The following LRP2 variants were observed in gnomAD, a reference collection of about 807,000 sequenced individuals.
The protein encoded by LRP2 is LDL receptor related protein 2.
LRP2 carries 172 observed loss-of-function variants against 531.0 expected under a neutral mutation model. The observed-to-expected ratio is 0.32, with a 90% CI of 0.29 to 0.37. The LOEUF (loss-of-function observed/expected upper bound fraction) is 0.37. Among genes scored for constraint, LRP2 ranks in the 10% least tolerant of loss-of-function variants. LRP2 has a pLI of 1.00. For synonymous variants in LRP2, 1,992 were observed against 2,027.6 expected (o/e 0.98, Z 0.47); for missense variants, 5,167 against 5,868.3 (o/e 0.88, Z 3.90).
Position 169,257,836 on chromosome 2 carries a change from A to AAAAC in LRP2, c.2514-588_2514-587insGTTT, listed in dbSNP as rs1553504243. Among the ~76,000 whole-genome samples, 1,258 of 143,138 alleles carry AAAAC rather than the reference A, an allele frequency of 8.8e-3. 17 individuals are homozygous for AAAAC. Among genetic ancestry groups the AAAAC allele is most frequent in the African/African-American group, 0.03 (1,163 of 38,512 alleles). 93.9% of individuals were successfully genotyped at this position (143,138 alleles called of 152,430 possible). A position where few individuals can be genotyped will look rare whatever the true frequency, so the allele number is the denominator to read the frequency against. ...AAAAAAAACAAAAACAAAAAAAAAAAACACAAAAAAAACAAAAGAAAATAA... is the reference window on the plus strand; with the variant it reads ...AAAAAAAACAAAAACAAAAAAAAAAAAAACACACAAAAAAAACAAAAGAAAATAA... On this transcript the variant is annotated intron_variant, in intron 17 of 78. Coordinates refer to ENST00000649046, the MANE Select transcript of LRP2 (RefSeq NM_004525.3).
At chr2:169,174,819 T>C (rs1423373205) in intron 55 of LRP2, among the ~76,000 whole-genome samples, 1 of 151,084 alleles carries the variant, frequency 6.6e-6, no homozygotes, top group South Asian at 2.1e-4. Context: ...CTTTTTTTTT[T>C]TTTTTTGCCT....
chr2:169,257,041 C>T (rs1358575405), intron 18 of LRP2, 83 bp downstream of exon 18: 2 of 1,533,958 alleles, frequency 1.3e-6, no homozygotes, highest in Non-Finnish European at 1.8e-6. Context: ...AGTTTCCTTA[C>T]ACCATCATAT....
chr2:169,321,715 C>T (rs561187673), intron 1 of LRP2, among the ~76,000 whole-genome samples: 1 of 152,186 alleles, frequency 6.6e-6, no homozygotes, highest in East Asian at 1.9e-4. Flanking sequence ...TCTCTGCAAA[C>T]AATTTTTTTT....
rs1688399916 is a variant in LRP2, at chr2:169,206,664, C to T, written c.7056G>A (p.Gly2352=). Residue 2352 remains glycine (G), a synonymous_variant, in exon 39 of 79, where the codon GGG becomes GGA. Transcript: ENST00000649046. ...NNNPCLENNG[G]CSHLCFALPG... The stretch of plus-strand genomic sequence containing the variant: ...GCAGAGCAAAGCAGAGATGAGAGCA[C>T]CCACCATTGTTTTCCAAGCAAGGGT... The T allele has an allele frequency of 6.2e-7, 1 of 1,614,100 alleles. No individual in the cohort carries two copies. The highest frequency in any genetic ancestry group is 8.5e-7 in the Non-Finnish European group (1 of 1,180,012).
rs890216396 is a variant in LRP2 at position 169,271,026 on chromosome 2, A to G, written c.2198T>C (p.Met733Thr). Residue 733 changes from methionine to threonine, a missense_variant, in exon 16 of 79, where the codon ATG becomes ACG. Physicochemically the swap from Met to Thr is moderately conservative, Grantham distance 81. This residue lies in a region of LRP2 where 2,811 missense variants were observed against 3,058.0 expected (regional missense o/e 0.92). Coordinates refer to ENST00000649046, the MANE Select transcript of LRP2 (RefSeq NM_004525.3). ...PFTLSTQEDV[M>T]VPVSGNPSFF... Reference sequence around the variant, plus strand: ...AGAAGGATTCCCCGAAACTGGAACCATGACATCTTCCTGGGTAGACAAGGT... The same window carrying G: ...AGAAGGATTCCCCGAAACTGGAACCGTGACATCTTCCTGGGTAGACAAGGT... 6.8e-6 allele frequency: 11 copies of G among 1,613,216 alleles called. No individual in the cohort carries two copies. The highest frequency in any genetic ancestry group is 1.6e-4 in the Middle Eastern group (1 of 6,074).
intron 49 of LRP2, among the ~76,000 whole-genome samples, chr2:169,187,112 G>A (rs1559003680): frequency 6.6e-6 from 1 of 151,586 alleles, no homozygotes; most frequent in Admixed American, 6.6e-5. Context: ...GTACATGTGC[G>A]GGATGTGCAA....
At chr2:169,327,263 TGGG>T (rs71003077) in intron 1 of LRP2, among the ~76,000 whole-genome samples, 3 of 50,140 alleles carry the variant, frequency 6.0e-5, no homozygotes, top group South Asian at 1.2e-3. Context: ...GGGAGGGAGG[TGGG>T]GGGGTCAGCC....
intron 30 of LRP2, among the ~76,000 whole-genome samples, chr2:169,232,507 G>A (rs1226109550): frequency 1.3e-5 from 2 of 152,088 alleles, no homozygotes; most frequent in African/African-American, 4.8e-5. Flanking sequence ...CTATAAAAGT[G>A]GAGTATATAT....
At chr2:169,283,985 C>A (rs558337899) in intron 9 of LRP2, among the ~76,000 whole-genome samples, 1 of 152,100 alleles carries the variant, frequency 6.6e-6, no homozygotes, top group East Asian at 1.9e-4. Flanking sequence ...CATCCTTCAC[C>A]CTCCTCGCTT....
intron 9 of LRP2, among the ~76,000 whole-genome samples, chr2:169,283,361 AC>A (rs1683758753): frequency 6.6e-6 from 1 of 152,246 alleles, no homozygotes; most frequent in Admixed American, 6.5e-5. Flanking sequence ...GCAGCCACTA[AC>A]CCCCTGTGGC....
chr2:169,342,224 A>T (rs1685582310), intron 1 of LRP2, among the ~76,000 whole-genome samples: 1 of 152,190 alleles, frequency 6.6e-6, no homozygotes, highest in South Asian at 2.1e-4. Context: ...TTGAATATTT[A>T]TGAATGTAAT....
Position 169,209,565 on chromosome 2 carries a change from T to C in LRP2, c.6357A>G (p.Ala2119=), listed in dbSNP as rs1688521550. 1.2e-6 allele frequency: 2 copies of C among 1,614,060 alleles called. No individual in the cohort carries two copies. The highest frequency in any genetic ancestry group is 1.7e-6 in the Non-Finnish European group (2 of 1,180,026). The part of the protein sequence containing the change: ...IYWCDFSSSV[A]SDNAIRRIKP... The stretch of plus-strand genomic sequence containing the variant: ...TAATTCTACGGATCGCATTATCAGA[T>C]GCCACTGAGCTGCTAAAATCACACC... The change falls in exon 38 of 79, where the codon GCA becomes GCG. Residue 2119 remains alanine (A), a synonymous_variant. Transcript: ENST00000649046.
intron 54 of LRP2, among the ~76,000 whole-genome samples, chr2:169,175,815 C>G (rs1687171275): frequency 6.6e-6 from 1 of 152,156 alleles, no homozygotes; most frequent in African/African-American, 2.4e-5. Flanking sequence ...GATTCTTAAT[C>G]TCAGATATCT....
intron 63 of LRP2, among the ~76,000 whole-genome samples, chr2:169,158,069 C>T (rs1425580139): frequency 2.1e-5 from 3 of 145,744 alleles, no homozygotes; most frequent in African/African-American, 4.9e-5. Context: ...TATACACACA[C>T]ACACACACAC....
At position 169,196,900 on chromosome 2, in the gene LRP2, T is replaced by TA; in HGVS notation, c.8698+10dup. On this transcript the variant is annotated intron_variant, in intron 46 of 78. Coordinates refer to ENST00000649046, the MANE Select transcript of LRP2 (RefSeq NM_004525.3). ...CATCGTGATGTTTTTCATGCTTGCT[T>TA]ACTCTCTTACCACAAGAGGCAGGTT... 2 of 1,614,116 alleles carry TA rather than the reference T, an allele frequency of 1.2e-6. No homozygotes were observed. Among genetic ancestry groups the TA allele is most frequent in the Middle Eastern group, 1.7e-4 (1 of 6,060 alleles).
At chr2:169,219,781 C>A (rs549876686) in intron 34 of LRP2, among the ~76,000 whole-genome samples, 24 of 152,066 alleles carry the variant, frequency 1.6e-4, no homozygotes, top group Non-Finnish European at 2.4e-4. Flanking sequence ...AACAAACCTG[C>A]ACATGTGCCC....
At chr2:169,148,875 T>C (rs1182614264) in intron 68 of LRP2, among the ~76,000 whole-genome samples, 1 of 152,172 alleles carries the variant, frequency 6.6e-6, no homozygotes, top group Admixed American at 6.5e-5. Context: ...CTCTGGGAAG[T>C]GGCCCTTCTC....
At chr2:169,266,998 C>T (rs1303490978) in intron 16 of LRP2, among the ~76,000 whole-genome samples, 2 of 150,558 alleles carry the variant, frequency 1.3e-5, no homozygotes, top group East Asian at 3.9e-4. Context: ...AACAATCCTT[C>T]CATTGCAGCC....
intron 1 of LRP2, among the ~76,000 whole-genome samples, chr2:169,336,226 G>T (rs1161245981): frequency 6.6e-6 from 1 of 151,716 alleles, no homozygotes; most frequent in Non-Finnish European, 1.5e-5. Flanking sequence ...CATAAACCTA[G>T]ACATCCAGCC....
Sources: gnomAD v4.1 joint callset for allele counts (sites outside exome capture counted in the v4.1 genomes callset) on GRCh38, gnomAD v4.1.1 for gene constraint, gnomAD v4.1.1 regional missense constraint, MANE v1.5 for transcripts, NCBI Gene and HGNC (gene_info 2026-07-23, HGNC 2026-07-21) for gene names.